Variants in DRC12 observed in about 807,000 individuals in gnomAD.
DRC12 encodes the protein dynein regulatory complex protein 12.
chr11:119,195,030 G>A, the DRC12 span: 1 of 1,515,356 alleles, frequency 6.6e-7, no homozygotes, highest in African/African-American at 1.4e-5. Flanking sequence ...AGCTCTTCAT[G>A]ATCTCAGCAT....
At chr11:119,195,441 T>C in the DRC12 span, 1 of 1,551,464 alleles carries the variant, frequency 6.4e-7, no homozygotes, top group Non-Finnish European at 8.7e-7. Flanking sequence ...CTTTTTCTTC[T>C]TCTGTGCCCC....
At chr11:119,194,540 A>AT in the DRC12 span, among the ~76,000 whole-genome samples, 229 of 140,926 alleles carry the variant, frequency 1.6e-3, no homozygotes, top group African/African-American at 5.8e-3. Context: ...AAAAAAAAAA[A>AT]AAAAATAAAT....
the DRC12 span, chr11:119,195,835 G>C: frequency 6.8e-4 from 144 of 211,672 alleles, no homozygotes; most frequent in African/African-American, 2.9e-3. Context: ...GGGGCTCCCC[G>C]TGGAGTGACC....
the DRC12 span, among the ~76,000 whole-genome samples, chr11:119,191,846 C>T: frequency 6.6e-6 from 1 of 151,900 alleles, no homozygotes; most frequent in Non-Finnish European, 1.5e-5. Flanking sequence ...CCCAAAACAA[C>T]AACAGCAAAA....
the DRC12 span, chr11:119,195,140 A>G: frequency 1.5e-6 from 1 of 684,838 alleles, no homozygotes; most frequent in African/African-American, 1.8e-5. Flanking sequence ...AGTCTACTGA[A>G]GTCAGCACCG....
At chr11:119,193,330 C>G in the DRC12 span, 1 of 1,143,844 alleles carries the variant, frequency 8.7e-7, no homozygotes, top group Non-Finnish European at 1.3e-6. Flanking sequence ...GGGGAAGACT[C>G]TACTTGGTCT....
At chr11:119,192,029 G>T in the DRC12 span, among the ~76,000 whole-genome samples, 2 of 150,314 alleles carry the variant, frequency 1.3e-5, no homozygotes, top group African/African-American at 2.5e-5. Flanking sequence ...AGGCTGGAGT[G>T]CAGTGGTGCG....
the DRC12 span, among the ~76,000 whole-genome samples, chr11:119,192,098 C>A: frequency 6.6e-6 from 1 of 151,874 alleles, no homozygotes; most frequent in East Asian, 1.9e-4. Flanking sequence ...GACTCAGCCT[C>A]CCAAGTAGCT....
chr11:119,193,317 G>T, the DRC12 span: 1 of 1,292,126 alleles, frequency 7.7e-7, no homozygotes, highest in Non-Finnish European at 1.1e-6. Flanking sequence ...TGAAGTTGTG[G>T]GTGGGGAAGA....
chr11:119,195,555 G>T, the DRC12 span: 4 of 1,265,478 alleles, frequency 3.2e-6, no homozygotes, highest in South Asian at 3.9e-5. Flanking sequence ...GCTTTCCTGA[G>T]CTTTAGACTG....
chr11:119,191,185 C>T, the DRC12 span, among the ~76,000 whole-genome samples: 3 of 151,658 alleles, frequency 2.0e-5, no homozygotes, highest in South Asian at 6.3e-4. Flanking sequence ...CTGCAACTGC[C>T]ACCTCCTGGG....
chr11:119,191,265 A>T, the DRC12 span, among the ~76,000 whole-genome samples: 3 of 151,880 alleles, frequency 2.0e-5, no homozygotes, highest in East Asian at 3.9e-4. Flanking sequence ...ATGCCCAGCT[A>T]ATCTTCGAAT....
the DRC12 span, chr11:119,195,017 C>T: frequency 5.2e-6 from 8 of 1,540,030 alleles, no homozygotes; most frequent in Non-Finnish European, 7.0e-6. Flanking sequence ...GTGGCAGAGC[C>T]TCAGCTCTTC....
At chr11:119,195,695 T>C in the DRC12 span, 1 of 587,544 alleles carries the variant, frequency 1.7e-6, no homozygotes, top group Non-Finnish European at 3.0e-6. Flanking sequence ...TCAACCAGGC[T>C]GACTCTGTAC....
chr11:119,195,376 T>A, the DRC12 span: 1 of 1,511,300 alleles, frequency 6.6e-7, no homozygotes, highest in Non-Finnish European at 9.0e-7. Context: ...GTGGTCTTCA[T>A]GGCAGAACAT....
chr11:119,190,698 G>A, the DRC12 span: 21 of 1,611,410 alleles, frequency 1.3e-5, no homozygotes, highest in Admixed American at 6.7e-5. This position sits in a 1 kb window ranked among gnomAD's most constrained non-coding sequence, Gnocchi z 4.2. Flanking sequence ...GGATCCAGGG[G>A]GTGGTGCTTA....
At chr11:119,194,290 G>A in the DRC12 span, among the ~76,000 whole-genome samples, 1 of 151,892 alleles carries the variant, frequency 6.6e-6, no homozygotes, top group African/African-American at 2.4e-5. Context: ...CAAGGCTGGT[G>A]GGACACAAGG....
chr11:119,195,464 T>C, the DRC12 span: 2 of 1,551,382 alleles, frequency 1.3e-6, no homozygotes, highest in Non-Finnish European at 1.7e-6. Context: ...ATTTCTTCCC[T>C]TTTTCTTTGT....
At chr11:119,190,492 G>A in the DRC12 span, 2 of 1,612,112 alleles carry the variant, frequency 1.2e-6, no homozygotes, top group Non-Finnish European at 1.7e-6. The surrounding 1 kb of genome is among the most constrained non-coding windows in gnomAD (Gnocchi z 4.2). Context: ...AAGAGAGAGA[G>A]GGAAGGAGTG....
Sources: gnomAD v4.1 joint callset for allele counts (sites outside exome capture counted in the v4.1 genomes callset) on GRCh38, gnomAD v4.1.1 for gene constraint, Gnocchi (gnomAD v3.1) non-coding constraint, MANE v1.5 for transcripts, NCBI Gene and HGNC (gene_info 2026-07-23, HGNC 2026-07-21) for gene names.